ORC5: variants seen among roughly 807,000 people sequenced by gnomAD.
ORC5 encodes protein phosphatase 1, regulatory subunit 117.
A neutral mutation model predicts 58.8 loss-of-function variants in ORC5; 39 were observed. The observed-to-expected ratio is 0.66, with a 90% CI of 0.51 to 0.87. ORC5 has a LOEUF of 0.87. Ranked by LOEUF, ORC5 falls within the 40% of genes least tolerant of loss-of-function variation. The pLI, the probability that ORC5 is intolerant of heterozygous loss-of-function variation, is 0.00. For missense variants in ORC5, 493 were observed against 506.3 expected (o/e 0.97, Z 0.25); for synonymous variants, 218 against 177.6 (o/e 1.23, Z -1.81).
At position 104,193,717 on chromosome 7, in the gene ORC5, C is replaced by T. The variant is rs1250885072; in HGVS notation, c.553+1426G>A. Among the ~76,000 whole-genome samples, 9 of 72,932 alleles carry T rather than the reference C, an allele frequency of 1.2e-4. No individual in the cohort carries two copies. In the South Asian group the frequency reaches 3.7e-3, roughly 30 times the overall value. The allele number at this position is 72,932 out of a possible 152,430, so 47.8% of individuals were successfully genotyped here. On this transcript the variant is annotated intron_variant, in intron 5 of 13. Transcript: ENST00000297431. Reference sequence around the variant, plus strand: ...TTTTTGTCTGACTACAGTGTTTTTGCTTAAAAAAAAAAAACAAAACTGAAT... The same window carrying T: ...TTTTTGTCTGACTACAGTGTTTTTGTTTAAAAAAAAAAAACAAAACTGAAT...
intron 5 of ORC5, among the ~76,000 whole-genome samples, chr7:104,194,806 G>A (rs1173029132): frequency 1.3e-5 from 2 of 152,008 alleles, no homozygotes; most frequent in Non-Finnish European, 2.9e-5. Flanking sequence ...GCACAAATAT[G>A]AGAGCTGCTC....
intron 8 of ORC5, 143 bp downstream of exon 8, chr7:104,183,800 A>T: frequency 1.7e-6 from 1 of 600,330 alleles, no homozygotes; most frequent in Admixed American, 3.3e-5. Context: ...AGTTTACTAC[A>T]GCATGTGCTT....
chr7:104,193,727 A>C (rs1799729513), intron 5 of ORC5, among the ~76,000 whole-genome samples: 1 of 151,220 alleles, frequency 6.6e-6, no homozygotes, highest in African/African-American at 2.4e-5. Context: ...CTTAAAAAAA[A>C]AAAACAAAAC....
intron 12 of ORC5, among the ~76,000 whole-genome samples, chr7:104,156,016 A>G (rs1798919734): frequency 6.6e-6 from 1 of 151,744 alleles, no homozygotes; most frequent in African/African-American, 2.4e-5. Flanking sequence ...ATTTAGAAAG[A>G]ATACCTATAA....
intron 6 of ORC5, among the ~76,000 whole-genome samples, chr7:104,186,965 T>C (rs908083457): frequency 6.6e-6 from 1 of 152,204 alleles, no homozygotes; most frequent in Non-Finnish European, 1.5e-5. Context: ...TAAATATATA[T>C]TTCTCTCTTT....
At chr7:104,154,376 T>A (rs1030598126) in intron 12 of ORC5, among the ~76,000 whole-genome samples, 1 of 152,048 alleles carries the variant, frequency 6.6e-6, no homozygotes, top group Non-Finnish European at 1.5e-5. Flanking sequence ...TTATAAAATA[T>A]TAAGAACTAC....
In ORC5 at chr7:104,129,437, A is replaced by C. The variant is rs1798481227; in HGVS notation, c.1263-2544T>G. Among the ~76,000 whole-genome samples the C allele has an allele frequency of 6.6e-6, 1 of 152,188 alleles. No homozygotes were observed. The highest frequency in any genetic ancestry group is 1.5e-5 in the Non-Finnish European group (1 of 68,014). ...TTGAATATAAAATCATTCCTTTAAG[A>C]AACATTTACTTCCCAAGATGTATCA... On this transcript the variant is annotated intron_variant, in intron 13 of 13. Transcript: ENST00000297431. This position sits in a 1 kb window ranked among gnomAD's most constrained non-coding sequence, Gnocchi z 4.9.
chr7:104,207,722 A>C, intron 1 of ORC5, 111 bp downstream of exon 1: 1 of 939,604 alleles, frequency 1.1e-6, no homozygotes. Flanking sequence ...TTTAACGTAA[A>C]AACGGCCTTT....
intron 6 of ORC5, among the ~76,000 whole-genome samples, chr7:104,184,640 T>C (rs769100403): frequency 1.4e-4 from 21 of 152,064 alleles, no homozygotes; most frequent in Non-Finnish European, 2.5e-4. Context: ...TTGGTATATT[T>C]TGATATGGCT....
At position 104,168,481 on chromosome 7, in the gene ORC5, T is replaced by C. The variant is rs771257735; in HGVS notation, c.869A>G (p.Gln290Arg). Reference sequence around the variant, plus strand: ...AATACTTCCTCTGATACCTTTCAGTTGCCCCGGATCTGTGTCATCTTTCTG... The same window carrying C: ...AATACTTCCTCTGATACCTTTCAGTCGCCCCGGATCTGTGTCATCTTTCTG... Reference protein sequence around the residue: ...KLQKDDTDPGQLKGLSAHTHV... With the variant: ...KLQKDDTDPGRLKGLSAHTHV... Residue 290 changes from glutamine to arginine, a missense_variant, in exon 9 of 14, where the codon CAA becomes CGA. Physicochemically the swap from Gln to Arg is conservative, Grantham distance 43. Coordinates refer to ENST00000297431, the MANE Select transcript of ORC5 (RefSeq NM_002553.4). The C allele has an allele frequency of 6.2e-7, 1 of 1,605,684 alleles. No individual in the cohort carries two copies. Among genetic ancestry groups the C allele is most frequent in the South Asian group, 1.1e-5 (1 of 89,150 alleles).
At chr7:104,151,135 G>A (rs1276651251) in intron 12 of ORC5, among the ~76,000 whole-genome samples, 1 of 152,126 alleles carries the variant, frequency 6.6e-6, no homozygotes, top group African/African-American at 2.4e-5. Context: ...AGAAATTGGG[G>A]CCAGATTATG....
intron 12 of ORC5, among the ~76,000 whole-genome samples, chr7:104,140,931 T>C (rs4141408): frequency 0.13 from 19,481 of 152,270 alleles, 1,564 homozygotes; most frequent in East Asian, 0.19. Context: ...AGAAGATTGC[T>C]AGATTCAAAT....
intron 12 of ORC5, among the ~76,000 whole-genome samples, chr7:104,147,348 C>G (rs1259624483): frequency 2.0e-5 from 3 of 152,132 alleles, no homozygotes; most frequent in Non-Finnish European, 4.4e-5. Context: ...AAAAGTATTG[C>G]TATATAAATC....
intron 3 of ORC5, among the ~76,000 whole-genome samples, chr7:104,199,920 T>C (rs1319589792): frequency 6.6e-6 from 1 of 152,172 alleles, no homozygotes; most frequent in Non-Finnish European, 1.5e-5. Flanking sequence ...TGGAGGTAAA[T>C]GAATCTTGGG....
chr7:104,142,581 A>G (rs1798690372), intron 12 of ORC5, among the ~76,000 whole-genome samples: 1 of 152,228 alleles, frequency 6.6e-6, no homozygotes, highest in African/African-American at 2.4e-5. Flanking sequence ...AAAGACTGAA[A>G]AAATCAAACT....
intron 8 of ORC5, among the ~76,000 whole-genome samples, chr7:104,172,345 T>C (rs937933020): frequency 6.6e-6 from 1 of 152,236 alleles, no homozygotes; most frequent in African/African-American, 2.4e-5. Context: ...AGCTTTTCCA[T>C]TCTATGATTT....
intron 2 of ORC5, chr7:104,202,555 A>G (rs1361230597): frequency 1.8e-5 from 8 of 456,496 alleles, no homozygotes; most frequent in Non-Finnish European, 3.5e-5. Flanking sequence ...CTGTATCAGA[A>G]GTAGTAACAA....
In ORC5 at chr7:104,136,935, T is replaced by G; in HGVS notation, c.1150-42A>C. ...TTATAAGAAACTGTTTTAATAAGATTATGTAATACTTTTGTTTCTGAAACA... is the reference window on the plus strand; with the variant it reads ...TTATAAGAAACTGTTTTAATAAGATGATGTAATACTTTTGTTTCTGAAACA... On this transcript the variant is annotated intron_variant, in intron 12 of 13. Coordinates refer to ENST00000297431, the MANE Select transcript of ORC5 (RefSeq NM_002553.4). The surrounding 1 kb of genome is among the most constrained non-coding windows in gnomAD (Gnocchi z 4.2). 7.5e-7 allele frequency: 1 copy of G among 1,328,770 alleles called. No individual in the cohort carries two copies. The highest frequency in any genetic ancestry group is 1.1e-6 in the Non-Finnish European group (1 of 922,530). 82.3% of individuals were successfully genotyped at this position (1,328,770 alleles called of 1,614,324 possible). A position where few individuals can be genotyped will look rare whatever the true frequency, so the allele number is the denominator to read the frequency against.
rs1246578475 is a variant in ORC5, at chr7:104,136,195, C to T, written c.1262+586G>A. ...GACAGTTCACATGTCCTTCCTAAGG[C>T]TTTTCTCTCACACTCTGTCCTTCAG... is the stretch of plus-strand genomic sequence containing the variant. On this transcript the variant is annotated intron_variant, in intron 13 of 13. Transcript: ENST00000297431. This position sits in a 1 kb window ranked among gnomAD's most constrained non-coding sequence, Gnocchi z 4.2. Among the ~76,000 whole-genome samples, 1 of 152,088 alleles carries T rather than the reference C, an allele frequency of 6.6e-6. No individual in the cohort carries two copies. The highest frequency in any genetic ancestry group is 1.5e-5 in the Non-Finnish European group (1 of 68,018).
Sources: allele counts gnomAD v4.1 joint callset (sites outside exome capture counted in the v4.1 genomes callset), GRCh38; gene constraint gnomAD v4.1.1; non-coding constraint Gnocchi (gnomAD v3.1); transcripts MANE v1.5; gene names NCBI Gene and HGNC (gene_info 2026-07-23, HGNC 2026-07-21).